PAAF1: variants seen among roughly 807,000 people sequenced by gnomAD.
The protein encoded by PAAF1 is proteasomal ATPase associated factor 1.
In PAAF1, 46 loss-of-function variants were observed where a neutral mutation model predicts 52.8. The ratio of observed to expected loss-of-function variants is 0.87; its 90% CI spans 0.69 to 1.11. The LOEUF is 1.11. Among genes scored for constraint, PAAF1 ranks in the 50% most tolerant of loss-of-function variants. The probability of loss-of-function intolerance (pLI) is 0.00; values close to 1 mark genes in which losing one functional copy is unlikely to be tolerated. For synonymous variants in PAAF1, 178 were observed against 172.8 expected, an observed-to-expected ratio of 1.03 and a Z score of -0.24; for missense variants, 424 against 477.4, an observed-to-expected ratio of 0.89 and a Z score of 1.04.
At chr11:73,922,808 C>T (rs1290742378) in intron 10 of PAAF1, among the ~76,000 whole-genome samples, 2 of 135,744 alleles carry the variant, frequency 1.5e-5, no homozygotes, top group African/African-American at 2.9e-5. Flanking sequence ...CAGAGCGAGA[C>T]TCCGTCTCAA....
chr11:73,896,106 C>T (rs1287090185), intron 4 of PAAF1, among the ~76,000 whole-genome samples: 3 of 151,862 alleles, frequency 2.0e-5, no homozygotes, highest in East Asian at 3.9e-4. Context: ...GAGACCCTGT[C>T]TTTAAAAAAA....
chr11:73,876,953 C>A, upstream of PAAF1: 1 of 1,439,774 alleles, frequency 6.9e-7, no homozygotes, highest in South Asian at 1.4e-5. Flanking sequence ...TCTGTCCTCG[C>A]CGCACGCTTC....
intron 3 of PAAF1, among the ~76,000 whole-genome samples, chr11:73,888,125 A>G (rs577200125): frequency 8.6e-4 from 131 of 152,346 alleles, no homozygotes; most frequent in South Asian, 1.7e-3. Flanking sequence ...AATACTAAAA[A>G]TTATTAGAGA....
At chr11:73,898,832 C>T (rs1238704172) in intron 4 of PAAF1, among the ~76,000 whole-genome samples, 1 of 151,408 alleles carries the variant, frequency 6.6e-6, no homozygotes, top group Non-Finnish European at 1.5e-5. Flanking sequence ...AACAAACAAA[C>T]AAATAAATAA....
chr11:73,902,055 G>T (rs950868864), intron 6 of PAAF1, among the ~76,000 whole-genome samples: 4 of 151,070 alleles, frequency 2.6e-5, no homozygotes, highest in African/African-American at 9.8e-5. Context: ...AGTAGAGATG[G>T]GGTTTCGCTG....
chr11:73,897,451 T>G (rs1478762542), intron 4 of PAAF1, among the ~76,000 whole-genome samples: 20 of 119,928 alleles, frequency 1.7e-4, no homozygotes, highest in African/African-American at 5.3e-4. Flanking sequence ...AGGCAGAGGG[T>G]CTCCTCACTT....
intron 10 of PAAF1, chr11:73,921,915 C>T (rs1950229804): frequency 9.2e-7 from 1 of 1,092,270 alleles, no homozygotes; most frequent in South Asian, 1.2e-5. Context: ...ACATTTCTTT[C>T]TCACCTTGGC....
intron 6 of PAAF1, among the ~76,000 whole-genome samples, chr11:73,906,095 A>G (rs1389546411): frequency 6.6e-6 from 1 of 152,240 alleles, no homozygotes; most frequent in Non-Finnish European, 1.5e-5. Context: ...AAAATAAGAA[A>G]CAAGATGGCA....
At chr11:73,877,369 G>T in intron 1 of PAAF1, 1 of 268,064 alleles carries the variant, frequency 3.7e-6, no homozygotes, top group Non-Finnish European at 7.0e-6. Context: ...CAGTCATTTA[G>T]CAAATATTGA....
intron 4 of PAAF1, among the ~76,000 whole-genome samples, chr11:73,893,738 CAAAAAAAAAAAAAA>C (rs564348245): frequency 8.3e-5 from 6 of 71,972 alleles, no homozygotes; most frequent in South Asian, 1.0e-3. Context: ...ACTCTGTCTC[CAAAAAAAAAAAAAA>C]AAAAAAAAAG....
At chr11:73,882,733 G>C (rs1409177588) in intron 2 of PAAF1, among the ~76,000 whole-genome samples, 1 of 152,156 alleles carries the variant, frequency 6.6e-6, no homozygotes, top group African/African-American at 2.4e-5. Context: ...CTCCGAAGTA[G>C]CTGGGATTAC....
chr11:73,914,587 T>C (rs182233181), intron 8 of PAAF1, 83 bp downstream of exon 8: 6 of 1,132,388 alleles, frequency 5.3e-6, no homozygotes, highest in South Asian at 2.6e-5. Context: ...GAAACATTTC[T>C]ACTTGCTCCC....
intron 6 of PAAF1, among the ~76,000 whole-genome samples, chr11:73,905,851 T>C (rs1308287922): frequency 1.3e-5 from 2 of 152,180 alleles, no homozygotes; most frequent in African/African-American, 4.8e-5. Context: ...TCCAAAAGCA[T>C]GTATCACTTC....
Position 73,924,635 on chromosome 11 carries a change from G to T in PAAF1, c.1039G>T (p.Val347Phe). 1.9e-6 allele frequency: 3 copies of T among 1,613,888 alleles called. No individual in the cohort carries two copies. Among genetic ancestry groups the T allele is most frequent in the Non-Finnish European group, 2.5e-6 (3 of 1,179,884 alleles). ...TTCAGGTGATGGAAGCTGTTTTATT[G>T]TCCAGCAAGACTTAGACTATGTCAC... Reference protein sequence around the residue: ...ASQGDGSCFIVQQDLDYVTEL... With the variant: ...ASQGDGSCFIFQQDLDYVTEL... The change falls in exon 11 of 12, where the codon GTC becomes TTC. Residue 347 changes from valine (V) to phenylalanine (F), a missense_variant. Physicochemically the swap from Val to Phe is conservative, Grantham distance 50 (BLOSUM62 -1). Coordinates refer to ENST00000310571, the MANE Select transcript of PAAF1 (RefSeq NM_025155.3).
At chr11:73,925,978 AAAT>A (rs1950343095) in intron 11 of PAAF1, among the ~76,000 whole-genome samples, 1 of 152,166 alleles carries the variant, frequency 6.6e-6, no homozygotes, top group African/African-American at 2.4e-5. Context: ...GTATTAATGT[AAAT>A]AATATACTTT....
chr11:73,897,174 G>A lies in PAAF1; in HGVS notation c.283-1972G>A, dbSNP rs1335757140. Among the ~76,000 whole-genome samples, 152 of 139,520 alleles carry A rather than the reference G, an allele frequency of 1.1e-3. 2 individuals are homozygous for A. The highest frequency in any genetic ancestry group is 1.3e-3 in the Non-Finnish European group (85 of 64,204). 91.5% of individuals were successfully genotyped at this position (139,520 alleles called of 152,430 possible). On this transcript the variant is annotated intron_variant, in intron 4 of 11. Transcript: ENST00000310571. The stretch of plus-strand genomic sequence containing the variant: ...CACCTCCCGGACGGGGCGGCTGGCC[G>A]TGCGGGGGGCTGACCCCCCCACCTC...
intron 8 of PAAF1, among the ~76,000 whole-genome samples, chr11:73,916,294 T>C (rs750239029): frequency 2.0e-5 from 3 of 152,144 alleles, no homozygotes; most frequent in Non-Finnish European, 4.4e-5. Flanking sequence ...GTGGTAGTAG[T>C]TGGAAAACTG....
Position 73,927,677 on chromosome 11 carries a change from C to G in PAAF1, c.*315C>G. 1 of 371,004 alleles carries G rather than the reference C, an allele frequency of 2.7e-6. No homozygotes were observed. Among genetic ancestry groups the G allele is most frequent in the Non-Finnish European group, 4.9e-6 (1 of 202,896 alleles). The allele number at this position is 371,004 out of a possible 1,614,324, so 23.0% of individuals were successfully genotyped here. On this transcript the variant is annotated 3_prime_UTR_variant, in exon 12 of 12. Transcript: ENST00000310571. ...AGTTTTGTTAAATGTTTACAAGGAC[C>G]TCAGTACTAAAGCCTGTTCTCTGGA...
chr11:73,882,188 G>T (rs1241986519), intron 2 of PAAF1, among the ~76,000 whole-genome samples: 1 of 147,982 alleles, frequency 6.8e-6, no homozygotes, highest in Non-Finnish European at 1.5e-5. Context: ...GCAATTTTTT[G>T]TATTTTTAGT....
Sources: allele counts gnomAD v4.1 joint callset (sites outside exome capture counted in the v4.1 genomes callset), GRCh38; gene constraint gnomAD v4.1.1; transcripts MANE v1.5; gene names NCBI Gene and HGNC (gene_info 2026-07-23, HGNC 2026-07-21).